FHOD3: variants seen among roughly 807,000 people sequenced by gnomAD.
FHOD3 encodes FH1/FH2 domain-containing protein 3.
In FHOD3, 90 loss-of-function variants were observed where a neutral mutation model predicts 173.0. That is an observed-to-expected ratio of 0.52 (90% CI 0.44 to 0.62). FHOD3 has a LOEUF of 0.62. Among genes scored for constraint, FHOD3 ranks in the 20% least tolerant of loss-of-function variants. The pLI, the probability that FHOD3 is intolerant of heterozygous loss-of-function variation, is 0.00. For synonymous variants in FHOD3, 828 were observed against 823.0 expected, an observed-to-expected ratio of 1.01 and a Z score of -0.10; for missense variants, 1,945 against 2,034.7, an observed-to-expected ratio of 0.96 and a Z score of 0.85.
chr18:36,677,926 T>C lies in FHOD3; in HGVS notation c.1836-3510T>C, dbSNP rs1453314775. Among the ~76,000 whole-genome samples, 4 of 152,226 alleles carry C rather than the reference T, an allele frequency of 2.6e-5. No individual in the cohort carries two copies. The East Asian group carries it at 7.7e-4, about 29-fold the overall frequency. ...AAGGTTTTATAAAGGTCTTTCATATTATTAGTTAAGTAATTTCATAGTTAG... is the reference window on the plus strand; with the variant it reads ...AAGGTTTTATAAAGGTCTTTCATATCATTAGTTAAGTAATTTCATAGTTAG... On this transcript the variant is annotated intron_variant, in intron 14 of 28. Coordinates refer to ENST00000590592, the MANE Select transcript of FHOD3 (RefSeq NM_001281740.3).
chr18:36,713,899 T>G (rs2040307908), intron 18 of FHOD3, among the ~76,000 whole-genome samples: 1 of 152,090 alleles, frequency 6.6e-6, no homozygotes, highest in African/African-American at 2.4e-5. Flanking sequence ...CTCTAACATA[T>G]CAGTAATTCC....
chr18:36,534,646 C>T (rs1206619868), intron 5 of FHOD3, among the ~76,000 whole-genome samples: 1 of 152,064 alleles, frequency 6.6e-6, no homozygotes, highest in Non-Finnish European at 1.5e-5. Flanking sequence ...AAGGGTAGCT[C>T]GTTAAGCCCA....
intron 2 of FHOD3, among the ~76,000 whole-genome samples, chr18:36,370,392 G>A (rs1015752482): frequency 6.6e-6 from 1 of 151,942 alleles, no homozygotes; most frequent in East Asian, 1.9e-4. Context: ...CCAATTGCCT[G>A]GTTTCTCGGC....
At chr18:36,677,622 C>T (rs963243619) in intron 14 of FHOD3, among the ~76,000 whole-genome samples, 14 of 152,102 alleles carry the variant, frequency 9.2e-5, no homozygotes, top group Admixed American at 8.5e-4. Context: ...ATTTGTGCAC[C>T]AAGACCACTT....
At chr18:36,559,167 C>CT (rs1159857921) in intron 5 of FHOD3, among the ~76,000 whole-genome samples, 10 of 152,148 alleles carry the variant, frequency 6.6e-5, no homozygotes, top group Middle Eastern at 3.2e-3. Flanking sequence ...TCTTTGGGGG[C>CT]TTATTCAGGT....
In FHOD3 at chr18:36,728,656, T is replaced by C. The variant is rs1459565866; in HGVS notation, c.3418-1990T>C. On this transcript the variant is annotated intron_variant, in intron 19 of 28. Transcript: ENST00000590592. Reference sequence around the variant, plus strand: ...CAACTGCATATTTAAGGATCTAAAATAGAAATTTAGCAACTAAGTCTGGGA... The same window carrying C: ...CAACTGCATATTTAAGGATCTAAAACAGAAATTTAGCAACTAAGTCTGGGA... Among the ~76,000 whole-genome samples the C allele has an allele frequency of 2.0e-5, 3 of 151,978 alleles. No homozygotes were observed. In the East Asian group the frequency reaches 5.8e-4, roughly 29 times the overall value.
chr18:36,448,844 G>A (rs2051654312), intron 3 of FHOD3, among the ~76,000 whole-genome samples: 1 of 151,980 alleles, frequency 6.6e-6, no homozygotes, highest in African/African-American at 2.4e-5. Context: ...TTTCCTTGCT[G>A]TGCCTCTGTG....
At chr18:36,759,348 A>G (rs115512302) in intron 26 of FHOD3, among the ~76,000 whole-genome samples, 1,714 of 152,268 alleles carry the variant, frequency 0.011, 24 homozygotes, top group African/African-American at 0.039. Flanking sequence ...GAAGGGTTAA[A>G]TGCATTTTCC....
At chr18:36,738,548 C>G (rs2041752627) in intron 20 of FHOD3, among the ~76,000 whole-genome samples, 1 of 152,164 alleles carries the variant, frequency 6.6e-6, no homozygotes, top group Non-Finnish European at 1.5e-5. Context: ...CCTATGTTTT[C>G]TTCTAAAAGT....
intron 14 of FHOD3, among the ~76,000 whole-genome samples, chr18:36,674,723 G>A (rs564810119): frequency 2.6e-5 from 4 of 152,236 alleles, no homozygotes; most frequent in African/African-American, 9.6e-5. Flanking sequence ...TACAAATAAC[G>A]CTAACTGAGA....
intron 3 of FHOD3, among the ~76,000 whole-genome samples, chr18:36,489,315 G>A (rs1269467632): frequency 6.6e-6 from 1 of 152,110 alleles, no homozygotes; most frequent in Non-Finnish European, 1.5e-5. Context: ...CCAGCTGCAG[G>A]GCAGTGACAG....
chr18:36,312,323 T>A (rs1014386582), intron 1 of FHOD3, among the ~76,000 whole-genome samples: 6 of 152,138 alleles, frequency 3.9e-5, no homozygotes, highest in African/African-American at 1.4e-4. Flanking sequence ...AGACCACACC[T>A]CCTCCTCACA....
At chr18:36,660,646 G>A (rs771546878) in intron 14 of FHOD3, among the ~76,000 whole-genome samples, 7 of 152,190 alleles carry the variant, frequency 4.6e-5, no homozygotes, top group Middle Eastern at 3.2e-3. Context: ...GAACTGGGAC[G>A]ATACTGGAAG....
chr18:36,504,949 G>T (rs939042401), intron 4 of FHOD3, among the ~76,000 whole-genome samples: 1 of 152,052 alleles, frequency 6.6e-6, no homozygotes, highest in Non-Finnish European at 1.5e-5. Context: ...CACAACACAC[G>T]ATTTATTTAG....
intron 1 of FHOD3, among the ~76,000 whole-genome samples, chr18:36,317,629 C>T (rs536015104): frequency 4.1e-4 from 63 of 152,156 alleles, no homozygotes; most frequent in African/African-American, 1.4e-3. Flanking sequence ...GATATTAGCC[C>T]TTTGTCAGAT....
chr18:36,655,589 C>T (rs112617710), intron 13 of FHOD3, among the ~76,000 whole-genome samples: 6 of 152,190 alleles, frequency 3.9e-5, no homozygotes, highest in Non-Finnish European at 8.8e-5. Context: ...AACTTGGATA[C>T]TGTACAAGTA....
intron 3 of FHOD3, among the ~76,000 whole-genome samples, chr18:36,439,006 A>G (rs2050973354): frequency 6.6e-6 from 1 of 152,238 alleles, no homozygotes; most frequent in African/African-American, 2.4e-5. Context: ...TAGGAAGGCA[A>G]CAAAACAAAA....
At chr18:36,306,686 T>C (rs1488341342) in intron 1 of FHOD3, among the ~76,000 whole-genome samples, 1 of 152,172 alleles carries the variant, frequency 6.6e-6, no homozygotes. Flanking sequence ...TTTTTTGTTT[T>C]GTTTTTGTTT....
At chr18:36,416,172 A>G (rs574424793) in intron 3 of FHOD3, among the ~76,000 whole-genome samples, 16 of 152,254 alleles carry the variant, frequency 1.1e-4, no homozygotes, top group Middle Eastern at 3.4e-3. Context: ...AGCTGGGACT[A>G]TAGGCGTGCA....
Sources: gnomAD v4.1 joint callset for allele counts (sites outside exome capture counted in the v4.1 genomes callset) on GRCh38, gnomAD v4.1.1 for gene constraint, MANE v1.5 for transcripts, NCBI Gene and HGNC (gene_info 2026-07-23, HGNC 2026-07-21) for gene names.